Variants in GATA4 observed in about 807,000 individuals in gnomAD.
GATA4 encodes GATA binding protein 4.
In GATA4, 7 loss-of-function variants were observed where a neutral mutation model predicts 37.9. The ratio of observed to expected loss-of-function variants is 0.18; its 90% CI spans 0.11 to 0.35. The LOEUF is 0.35. Ranked by LOEUF, GATA4 falls within the 10% of genes least tolerant of loss-of-function variation. The probability of loss-of-function intolerance (pLI) is 1.00; values close to 1 mark genes in which losing one functional copy is unlikely to be tolerated. For missense variants in GATA4, 647 were observed against 653.0 expected (o/e 0.99, Z 0.10); for synonymous variants, 372 against 292.6 (o/e 1.27, Z -2.77).
chr8:11,727,704 T>C (rs1262170894), intron 2 of GATA4, among the ~76,000 whole-genome samples: 2 of 151,674 alleles, frequency 1.3e-5, no homozygotes, highest in Admixed American at 1.3e-4. Flanking sequence ...ATTCGCCCAG[T>C]ATGGTAGTGT....
intron 2 of GATA4, among the ~76,000 whole-genome samples, chr8:11,743,670 A>G (rs962255845): frequency 6.6e-6 from 1 of 152,202 alleles, no homozygotes; most frequent in Non-Finnish European, 1.5e-5. Flanking sequence ...GGGTTCCCCA[A>G]GATGGATGGA....
chr8:11,723,662 C>T (rs946041304), intron 2 of GATA4, among the ~76,000 whole-genome samples: 16 of 152,304 alleles, frequency 1.1e-4, no homozygotes, highest in African/African-American at 3.4e-4. Context: ...TTGGGTTAGT[C>T]ATTCAACATG....
chr8:11,724,641 C>A (rs959623988), intron 2 of GATA4, among the ~76,000 whole-genome samples: 1 of 152,250 alleles, frequency 6.6e-6, no homozygotes, highest in Non-Finnish European at 1.5e-5. Flanking sequence ...TGGCTGTGGG[C>A]TCCTCATCAC....
In GATA4 at chr8:11,749,349, C is replaced by T. The variant is rs2130308830; in HGVS notation, c.786+264C>T. On this transcript the variant is annotated intron_variant, in intron 3 of 6. Coordinates refer to ENST00000532059, the MANE Select transcript of GATA4 (RefSeq NM_001308093.3). This position sits in a 1 kb window ranked among gnomAD's most constrained non-coding sequence, Gnocchi z 4.6. ...GGCCTTGCCCACAGCCACTCAGGTACTGAGTCTCCCATCTAGAACTCTGGA... is the reference window on the plus strand; with the variant it reads ...GGCCTTGCCCACAGCCACTCAGGTATTGAGTCTCCCATCTAGAACTCTGGA... Among the ~76,000 whole-genome samples, 1 of 152,350 alleles carries T rather than the reference C, an allele frequency of 6.6e-6. No individual in the cohort carries two copies. Among genetic ancestry groups the T allele is most frequent in the South Asian group, 2.1e-4 (1 of 4,826 alleles).
In GATA4 at chr8:11,709,672, C is replaced by G. The variant is rs1362401496; in HGVS notation, c.616+744C>G. 1.3e-5 allele frequency among the ~76,000 whole-genome samples: 2 copies of G among 151,858 alleles called. No homozygotes were observed. Among genetic ancestry groups the G allele is most frequent in the African/African-American group, 4.8e-5 (2 of 41,350 alleles). Reference sequence around the variant, plus strand: ...CCGAGTTAAATGGAGACTTTGCAGTCGCTTGCACGCGTGGAGCCTCCTCTT... The same window carrying G: ...CCGAGTTAAATGGAGACTTTGCAGTGGCTTGCACGCGTGGAGCCTCCTCTT... On this transcript the variant is annotated intron_variant, in intron 2 of 6. Transcript: ENST00000532059. The surrounding 1 kb of genome is among the most constrained non-coding windows in gnomAD (Gnocchi z 4.3).
chr8:11,748,352 A>G (rs1802130498), intron 2 of GATA4, among the ~76,000 whole-genome samples: 2 of 152,180 alleles, frequency 1.3e-5, no homozygotes, highest in South Asian at 4.1e-4. Flanking sequence ...TGACTGCACC[A>G]CTGTACTCCA....
At chr8:11,692,515 G>T, upstream of GATA4, 1 of 985,464 alleles carries the variant, frequency 1.0e-6, no homozygotes, top group Non-Finnish European at 1.2e-6. Context: ...AGTAATTCCC[G>T]TGAAACTATG....
At chr8:11,744,160 CCT>C (rs545323626) in intron 2 of GATA4, among the ~76,000 whole-genome samples, 74 of 152,264 alleles carry the variant, frequency 4.9e-4, no homozygotes, top group African/African-American at 1.8e-3. Flanking sequence ...TCCCCAGTCT[CCT>C]AGCTCTTTTA....
At chr8:11,700,112 C>G (rs940395496), upstream of GATA4, among the ~76,000 whole-genome samples, 1 of 152,188 alleles carries the variant, frequency 6.6e-6, no homozygotes, top group African/African-American at 2.4e-5. Flanking sequence ...TTCCCTTCCT[C>G]TTGCTAATGA....
intron 2 of GATA4, among the ~76,000 whole-genome samples, chr8:11,717,468 G>C (rs760642431): frequency 6.6e-5 from 10 of 152,126 alleles, no homozygotes; most frequent in Non-Finnish European, 1.3e-4. Context: ...AAAGAAAGCT[G>C]ATACCCAGAA....
chr8:11,726,293 G>A (rs1293756714), intron 2 of GATA4, among the ~76,000 whole-genome samples: 1 of 152,254 alleles, frequency 6.6e-6, no homozygotes, highest in Non-Finnish European at 1.5e-5. Flanking sequence ...TCCCTGGCCA[G>A]TTTTACAGGG....
At chr8:11,695,517 T>A (rs955697363) in intron 1 of GATA4, among the ~76,000 whole-genome samples, 2 of 152,186 alleles carry the variant, frequency 1.3e-5, no homozygotes, top group Non-Finnish European at 2.9e-5. Context: ...CTTAGTCCAT[T>A]CAGAAATACA....
intron 1 of GATA4, among the ~76,000 whole-genome samples, chr8:11,698,509 T>C (rs1457242679): frequency 6.6e-6 from 1 of 152,174 alleles, no homozygotes; most frequent in African/African-American, 2.4e-5. Context: ...TGTCCTCCTC[T>C]GTCTCTCTCG....
rs543655874 is a variant in GATA4 at position 11,736,449 on chromosome 8, G to C, written c.617-12467G>C. Among the ~76,000 whole-genome samples the C allele has an allele frequency of 3.9e-5, 6 of 152,338 alleles. No individual in the cohort carries two copies. The South Asian group carries it at 1.0e-3, about 26-fold the overall frequency. ...TGCGTCTGGAATTGCCCCTGCCTCT[G>C]CCTTTAAGTCTGGTCTGCGTGGCTT... On this transcript the variant is annotated intron_variant, in intron 2 of 6. Transcript: ENST00000532059.
At chr8:11,730,474 A>C (rs1585643616) in intron 2 of GATA4, among the ~76,000 whole-genome samples, 1 of 152,234 alleles carries the variant, frequency 6.6e-6, no homozygotes, top group Non-Finnish European at 1.5e-5. Context: ...AGAATGTGAA[A>C]CAGGGGGATC....
rs1343825404 is a variant in GATA4 at position 11,758,411 on chromosome 8, C to T, written c.1268C>T (p.Ser423Phe). 2 of 1,614,236 alleles carry T rather than the reference C, an allele frequency of 1.2e-6. No homozygotes were observed. The highest frequency in any genetic ancestry group is 1.7e-6 in the Non-Finnish European group (2 of 1,180,038). ...GTCAGCCAGTCTCCACAGACCAGCT[C>T]CAAGCAGGACTCTTGGAACAGCCTG... ...SPVSQSPQTSSKQDSWNSLVL... is the reference protein window; with the variant it reads ...SPVSQSPQTSFKQDSWNSLVL... Residue 423 changes from serine to phenylalanine, a missense_variant, in exon 7 of 7, where the codon TCC (serine) becomes TTC (phenylalanine). Around this residue, in one of 5 missense-constraint regions of GATA4, gnomAD observed 184 missense variants for 157.1 expected, o/e 1.17. Coordinates refer to ENST00000532059, the MANE Select transcript of GATA4 (RefSeq NM_001308093.3).
chr8:11,704,668 C>G (rs1028724218), intron 1 of GATA4, among the ~76,000 whole-genome samples: 1 of 152,214 alleles, frequency 6.6e-6, no homozygotes, highest in African/African-American at 2.4e-5. Flanking sequence ...CCGGGACTGA[C>G]GGGCCCGGGA....
At chr8:11,748,849 G>A (rs1802155280) in intron 2 of GATA4, 67 bp from the exon 3 acceptor site, 1 of 1,563,554 alleles carries the variant, frequency 6.4e-7, no homozygotes, top group African/African-American at 1.4e-5. Flanking sequence ...ATTCTCAGAT[G>A]TGAGAGCTGG....
rs182691543 is a variant in GATA4 at position 11,709,327 on chromosome 8, T to C, written c.616+399T>C. On this transcript the variant is annotated intron_variant, in intron 2 of 6. Transcript: ENST00000532059. The surrounding 1 kb of genome is among the most constrained non-coding windows in gnomAD (Gnocchi z 4.3). ...GGAGATTGCTGAGTTTCTGCGCCCC[T>C]TTCCTCCCCGCCCGCCCTCGGGCCT... Among the ~76,000 whole-genome samples, 1,313 of 152,202 alleles carry C rather than the reference T, an allele frequency of 8.6e-3. 11 individuals carry two copies. Among genetic ancestry groups the C allele is most frequent in the Admixed American group, 0.014 (220 of 15,308 alleles).
Sources: allele counts gnomAD v4.1 joint callset (sites outside exome capture counted in the v4.1 genomes callset), GRCh38; gene constraint gnomAD v4.1.1; regional missense constraint gnomAD v4.1.1; non-coding constraint Gnocchi (gnomAD v3.1); transcripts MANE v1.5; gene names NCBI Gene and HGNC (gene_info 2026-07-23, HGNC 2026-07-21).